The following ALX4 variants were observed in gnomAD, a reference collection of about 807,000 sequenced individuals.
The protein encoded by ALX4 is homeobox protein aristaless-like 4.
A neutral mutation model predicts 40.6 loss-of-function variants in ALX4; 22 were observed. The ratio of observed to expected loss-of-function variants is 0.54; its 90% confidence interval spans 0.39 to 0.77. The LOEUF (loss-of-function observed/expected upper bound fraction) is 0.77. Among genes scored for constraint, ALX4 ranks in the 30% least tolerant of loss-of-function variants. ALX4 has a pLI of 0.00. For missense variants in ALX4, 556 were observed against 564.8 expected (o/e 0.98, Z 0.16); for synonymous variants, 266 against 240.5 (o/e 1.11, Z -0.98).
chr11:44,306,985 C>T (rs1217348470), intron 1 of ALX4, among the ~76,000 whole-genome samples: 4 of 152,162 alleles, frequency 2.6e-5, no homozygotes, highest in Admixed American at 6.5e-5. Flanking sequence ...GGCTTTGCCC[C>T]GAGCAGTGCC....
intron 1 of ALX4, among the ~76,000 whole-genome samples, chr11:44,305,233 T>C (rs1392614451): frequency 6.6e-6 from 1 of 152,214 alleles, no homozygotes. Flanking sequence ...TATATGTAAA[T>C]TATAATAAAG....
intron 2 of ALX4, among the ~76,000 whole-genome samples, chr11:44,272,849 A>G (rs955887320): frequency 2.6e-5 from 4 of 152,156 alleles, no homozygotes; most frequent in Non-Finnish European, 5.9e-5. Context: ...GGCTGCCCTC[A>G]GGGAACTTAC....
chr11:44,308,029 C>T (rs1299864951), intron 1 of ALX4, among the ~76,000 whole-genome samples: 2 of 152,102 alleles, frequency 1.3e-5, no homozygotes, highest in African/African-American at 4.8e-5. Context: ...GATCTCATTC[C>T]AACTGGAGGT....
At chr11:44,306,217 G>A (rs981630794) in intron 1 of ALX4, among the ~76,000 whole-genome samples, 1 of 152,256 alleles carries the variant, frequency 6.6e-6, no homozygotes, top group Admixed American at 6.5e-5. Flanking sequence ...ACACTGCGGA[G>A]CCGCCTTAAT....
rs1333950446 is a variant in ALX4, at chr11:44,309,743, GGCTGCGGCT to G, written c.311_319del (p.Gln104_Gln106del). Reference sequence around the variant, plus strand: ...CTGGGGCTGCGGCTGCTGCTGCTGCGGCTGCGGCTGCGGCGGCGGCTGGGGCTGCGGGGT... The same window carrying G: ...CTGGGGCTGCGGCTGCTGCTGCTGCGGCGGCGGCGGCTGGGGCTGCGGGGT... On this transcript the variant is annotated inframe_deletion, in exon 1 of 4. Transcript: ENST00000652299. 6.5e-7 allele frequency: 1 copy of G among 1,535,752 alleles called. No homozygotes were observed. The highest frequency in any genetic ancestry group is 1.7e-5 in the African/African-American group (1 of 60,454).
chr11:44,293,847 A>G (rs1956387740), intron 1 of ALX4, among the ~76,000 whole-genome samples: 1 of 152,084 alleles, frequency 6.6e-6, no homozygotes, highest in South Asian at 2.1e-4. Context: ...CACATATCAC[A>G]TGGGGGTCCT....
At chr11:44,308,109 T>C (rs2119917043) in intron 1 of ALX4, among the ~76,000 whole-genome samples, 1 of 152,292 alleles carries the variant, frequency 6.6e-6, no homozygotes, top group South Asian at 2.1e-4. Context: ...TTCTGTCCTA[T>C]GGGTTTGGGA....
intron 1 of ALX4, among the ~76,000 whole-genome samples, chr11:44,306,640 C>G (rs1309436974): frequency 6.6e-6 from 1 of 152,276 alleles, no homozygotes; most frequent in Non-Finnish European, 1.5e-5. Flanking sequence ...CTGCCTCCGA[C>G]TTTCCCAATG....
intron 1 of ALX4, among the ~76,000 whole-genome samples, chr11:44,299,561 C>T (rs571668910): frequency 3.9e-5 from 6 of 152,124 alleles, no homozygotes; most frequent in South Asian, 2.1e-4. Context: ...AGGGTTTCAC[C>T]GTGTTAGCCA....
At chr11:44,306,662 G>A (rs1956470376) in intron 1 of ALX4, among the ~76,000 whole-genome samples, 2 of 152,228 alleles carry the variant, frequency 1.3e-5, no homozygotes, top group African/African-American at 4.8e-5. Context: ...TCCTGGGAGC[G>A]TCTAAGGATT....
chr11:44,295,460 CCT>C (rs1956397630), intron 1 of ALX4, among the ~76,000 whole-genome samples: 1 of 152,232 alleles, frequency 6.6e-6, no homozygotes, highest in Non-Finnish European at 1.5e-5. Context: ...CTCAAGCAGG[CCT>C]CTGTTTAGTC....
At chr11:44,265,969 G>A (rs1257557790) in intron 3 of ALX4, among the ~76,000 whole-genome samples, 1 of 151,272 alleles carries the variant, frequency 6.6e-6, no homozygotes, top group Non-Finnish European at 1.5e-5. Flanking sequence ...TAGAATTAGG[G>A]TGTGGGGGAG....
intron 1 of ALX4, among the ~76,000 whole-genome samples, chr11:44,309,103 G>T (rs111676640): frequency 6.6e-6 from 1 of 151,132 alleles, no homozygotes; most frequent in Non-Finnish European, 1.5e-5. Context: ...CGGCGGCGCC[G>T]CCCGAGGAGC....
Position 44,309,998 on chromosome 11 carries a change from C to T in ALX4, c.65G>A (p.Ser22Asn), listed in dbSNP as rs1956498414. 6.2e-7 allele frequency: 1 copy of T among 1,603,064 alleles called. No homozygotes were observed. Among genetic ancestry groups the T allele is most frequent in the African/African-American group, 1.3e-5 (1 of 74,748 alleles). The change falls in exon 1 of 4, where the codon AGC becomes AAC. Residue 22 changes from serine to asparagine, a missense_variant. Physicochemically the swap from Ser to Asn is conservative, Grantham distance 46. Coordinates refer to ENST00000652299, the MANE Select transcript of ALX4 (RefSeq NM_021926.4). ...SPAAAMDAYY[S>N]PVSQSREGSS... ...GCCCTCCCGACTCTGCGACACCGGG[C>T]TGTAGTAGGCGTCCATGGCAGCGGC...
rs543552713 is a variant in ALX4 at position 44,294,397 on chromosome 11, GC to G, written c.466+15199del. Reference sequence around the variant, plus strand: ...CAGAGAGGAACACAGCAGAACCCCTGCCCTGGGGACAGGCTGAAGTTCTGGG... The same window carrying G: ...CAGAGAGGAACACAGCAGAACCCCTGCCTGGGGACAGGCTGAAGTTCTGGG... On this transcript the variant is annotated intron_variant, in intron 1 of 3. Transcript: ENST00000652299. Among the ~76,000 whole-genome samples the G allele has an allele frequency of 5.3e-3, 814 of 152,332 alleles. 8 individuals carry two copies. The highest frequency in any genetic ancestry group is 0.019 in the African/African-American group (770 of 41,568).
chr11:44,268,294 C>A (rs1174366259), intron 2 of ALX4, among the ~76,000 whole-genome samples: 2 of 152,184 alleles, frequency 1.3e-5, no homozygotes, highest in Non-Finnish European at 2.9e-5. Flanking sequence ...AACAGCAAGG[C>A]ATACTCCAAA....
intron 3 of ALX4, among the ~76,000 whole-genome samples, chr11:44,266,399 C>T (rs933598893): frequency 3.9e-5 from 6 of 152,072 alleles, no homozygotes; most frequent in East Asian, 1.9e-4. Flanking sequence ...GAACATAGTG[C>T]GAGCTGATGC....
intron 1 of ALX4, among the ~76,000 whole-genome samples, chr11:44,282,518 C>T (rs754760150): frequency 2.6e-5 from 4 of 152,174 alleles, no homozygotes; most frequent in Admixed American, 1.3e-4. Flanking sequence ...AACCCAAACC[C>T]ATAGGCAAAT....
intron 1 of ALX4, among the ~76,000 whole-genome samples, chr11:44,293,099 A>AGAAGGAGGGAAGGAAGGAAGGAAGGAAG: frequency 2.7e-5 from 1 of 37,180 alleles, no homozygotes; most frequent in East Asian, 9.6e-4. Context: ...CCTGTCTGAG[A>AGAAGGAGGGAAGGAAGGAAGGAAGGAAG]GAAGGAAGGA....
Sources: gnomAD v4.1 joint callset for allele counts (sites outside exome capture counted in the v4.1 genomes callset) on GRCh38, gnomAD v4.1.1 for gene constraint, MANE v1.5 for transcripts, NCBI Gene and HGNC (gene_info 2026-07-23, HGNC 2026-07-21) for gene names.